TBC1D32: variants seen among roughly 807,000 people sequenced by gnomAD.
The protein encoded by TBC1D32 is protein broad-minded.
In TBC1D32, 151 loss-of-function variants were observed where a neutral mutation model predicts 170.3. The ratio of observed to expected loss-of-function variants is 0.89; its 90% confidence interval spans 0.78 to 1.01. The LOEUF is 1.01. TBC1D32 is among the 50% of genes least tolerant of loss of function. The pLI, the probability that TBC1D32 is intolerant of heterozygous loss-of-function variation, is 0.00. For missense variants in TBC1D32, 1,464 were observed against 1,457.1 expected, an observed-to-expected ratio of 1.00 and a Z score of -0.08; for synonymous variants, 498 against 488.0, an observed-to-expected ratio of 1.02 and a Z score of -0.27.
Position 121,151,085 on chromosome 6 carries a change from A to G in TBC1D32, c.2773+8925T>C, listed in dbSNP as rs186254173. Among the ~76,000 whole-genome samples the G allele has an allele frequency of 2.5e-3, 377 of 152,006 alleles. 2 individuals are homozygous for G. The highest frequency in any genetic ancestry group is 8.8e-3 in the African/African-American group (365 of 41,446). On this transcript the variant is annotated intron_variant, in intron 24 of 31. Transcript: ENST00000398212. ...TGCTCTTGCTTCTCTAGTTCTTTTA[A>G]TTGTGATATCAGGGTGTCGATTTTA...
chr6:121,186,163 C>T lies in TBC1D32; in HGVS notation c.2570+18912G>A, dbSNP rs186848566. 1.7e-3 allele frequency among the ~76,000 whole-genome samples: 264 copies of T among 152,194 alleles called. 5 individuals carry two copies. Among genetic ancestry groups the T allele is most frequent in the East Asian group, 1.4e-3 (7 of 5,184 alleles). On this transcript the variant is annotated intron_variant, in intron 22 of 31. Coordinates refer to ENST00000398212, the MANE Select transcript of TBC1D32 (RefSeq NM_152730.6). ...TAGAACTGAAAATTTAAACTTTCTT[C>T]TAATGTTTGAAGCTTCTCATATTCC...
chr6:121,147,884 G>A lies in TBC1D32; in HGVS notation c.2773+12126C>T, dbSNP rs529441934. ...TGGGATTACAGGCGTGAGCCACCGC[G>A]CCCAGTCTCATATTATTTTTGTAAC... On this transcript the variant is annotated intron_variant, in intron 24 of 31. Coordinates refer to ENST00000398212, the MANE Select transcript of TBC1D32 (RefSeq NM_152730.6). Among the ~76,000 whole-genome samples the A allele has an allele frequency of 5.3e-4, 79 of 149,772 alleles. 1 individual carries two copies. The highest frequency in any genetic ancestry group is 1.7e-3 in the African/African-American group (70 of 41,096).
At chr6:121,130,623 C>G (rs1781342657) in intron 25 of TBC1D32, among the ~76,000 whole-genome samples, 1 of 152,164 alleles carries the variant, frequency 6.6e-6, no homozygotes, top group Non-Finnish European at 1.5e-5. Context: ...AAGAGTTAAA[C>G]AGCTGATACT....
intron 15 of TBC1D32, among the ~76,000 whole-genome samples, chr6:121,267,995 C>T (rs1333633355): frequency 1.3e-5 from 2 of 152,134 alleles, no homozygotes; most frequent in African/African-American, 4.8e-5. Flanking sequence ...AGGCAAACAG[C>T]GTCTGGAGTG....
intron 19 of TBC1D32, among the ~76,000 whole-genome samples, chr6:121,240,957 T>A (rs1446485820): frequency 6.6e-6 from 1 of 150,808 alleles, no homozygotes; most frequent in African/African-American, 2.4e-5. Context: ...GGGAAGAATA[T>A]GTACTTAACT....
intron 25 of TBC1D32, among the ~76,000 whole-genome samples, chr6:121,127,500 A>C (rs1180002987): frequency 6.6e-6 from 1 of 152,152 alleles, no homozygotes; most frequent in Non-Finnish European, 1.5e-5. Flanking sequence ...TCAGTATTGT[A>C]AGCTATTTAT....
At chr6:121,231,301 C>A (rs968741060) in intron 20 of TBC1D32, among the ~76,000 whole-genome samples, 1 of 152,000 alleles carries the variant, frequency 6.6e-6, no homozygotes, top group Admixed American at 6.6e-5. Context: ...ATACATATAC[C>A]GTATTTTCTT....
chr6:121,277,326 A>G (rs1170195230), intron 15 of TBC1D32, among the ~76,000 whole-genome samples: 1 of 151,944 alleles, frequency 6.6e-6, no homozygotes, highest in Non-Finnish European at 1.5e-5. Flanking sequence ...CATCTCTAAC[A>G]AAAATACAAA....
rs541748104 is a variant in TBC1D32, at chr6:121,159,907, C to T, written c.2773+103G>A. On this transcript the variant is annotated intron_variant, in intron 24 of 31. Coordinates refer to ENST00000398212, the MANE Select transcript of TBC1D32 (RefSeq NM_152730.6). ...ATAGGCATAAATGCACACATGTATA[C>T]ATGCTAAATGCAGTCAATATTCATC... The T allele has an allele frequency of 8.0e-5, 61 of 761,006 alleles. No homozygotes were observed. In the African/African-American group the frequency reaches 1.0e-3, roughly 13 times the overall value. 47.1% of individuals were successfully genotyped at this position (761,006 alleles called of 1,614,324 possible).
intron 17 of TBC1D32, among the ~76,000 whole-genome samples, chr6:121,253,417 A>C (rs548295418): frequency 1.6e-4 from 24 of 152,258 alleles, no homozygotes; most frequent in Admixed American, 8.5e-4. Context: ...CAAGAAAAAA[A>C]GGCCGTAATT....
chr6:121,144,327 G>C (rs1281348482), intron 24 of TBC1D32, among the ~76,000 whole-genome samples: 1 of 152,152 alleles, frequency 6.6e-6, no homozygotes, highest in East Asian at 1.9e-4. Flanking sequence ...TCTAACCCAT[G>C]TTTCAGCAGC....
At chr6:121,267,499 C>T (rs191832000) in intron 15 of TBC1D32, among the ~76,000 whole-genome samples, 102 of 152,256 alleles carry the variant, frequency 6.7e-4, no homozygotes, top group African/African-American at 2.0e-3. Flanking sequence ...GGTCCCAAGC[C>T]CACAGAGCCT....
chr6:121,144,391 G>GC (rs1410195080), intron 24 of TBC1D32, among the ~76,000 whole-genome samples: 1 of 152,144 alleles, frequency 6.6e-6, no homozygotes, highest in African/African-American at 2.4e-5. Context: ...GGACATTGCA[G>GC]CAGGTAAGAA....
intron 1 of TBC1D32, among the ~76,000 whole-genome samples, chr6:121,327,889 C>T (rs565198645): frequency 6.6e-6 from 1 of 152,132 alleles, no homozygotes; most frequent in Admixed American, 6.5e-5. Context: ...TAGCGTCTCT[C>T]CCGAAGAATT....
intron 26 of TBC1D32, among the ~76,000 whole-genome samples, chr6:121,120,486 C>T (rs1392258042): frequency 6.6e-6 from 1 of 151,916 alleles, no homozygotes; most frequent in Admixed American, 6.6e-5. Flanking sequence ...TAAAGAAATG[C>T]CCACTTTGGT....
intron 31 of TBC1D32, among the ~76,000 whole-genome samples, chr6:121,088,723 AAAC>A (rs1423965429): frequency 1.3e-5 from 2 of 152,226 alleles, no homozygotes; most frequent in African/African-American, 2.4e-5. Context: ...AGATAAATGA[AAAC>A]AACAAGGGTA....
At chr6:121,132,992 C>T (rs1044709564) in intron 24 of TBC1D32, among the ~76,000 whole-genome samples, 8 of 151,930 alleles carry the variant, frequency 5.3e-5, no homozygotes, top group African/African-American at 1.9e-4. Flanking sequence ...CAGATTAATT[C>T]ATACCTTTTT....
At chr6:121,282,761 G>GAACCAATATATACCATAACCACA (rs1803207220) in intron 13 of TBC1D32, among the ~76,000 whole-genome samples, 1 of 151,658 alleles carries the variant, frequency 6.6e-6, no homozygotes, top group Non-Finnish European at 1.5e-5. Context: ...CCACATCATG[G>GAACCAATATATACCATAACCACA]TAAACCAATA....
At chr6:121,207,577 G>A (rs1792441473) in intron 21 of TBC1D32, among the ~76,000 whole-genome samples, 1 of 152,144 alleles carries the variant, frequency 6.6e-6, no homozygotes, top group Admixed American at 6.5e-5. Flanking sequence ...AAGCCTCATG[G>A]AGAGCTTCAG....
Sources: allele counts gnomAD v4.1 joint callset (sites outside exome capture counted in the v4.1 genomes callset), GRCh38; gene constraint gnomAD v4.1.1; transcripts MANE v1.5; gene names NCBI Gene and HGNC (gene_info 2026-07-23, HGNC 2026-07-21).